DGKQ: variants seen among roughly 807,000 people sequenced by gnomAD.
DGKQ encodes diacylglycerol kinase theta.
DGKQ carries 97 observed loss-of-function variants against 104.2 expected under a neutral mutation model. The observed-to-expected ratio is 0.93, with a 90% CI of 0.79 to 1.10. The LOEUF (loss-of-function observed/expected upper bound fraction) is 1.10, where lower values mean the gene tolerates loss of function less well. Among genes scored for constraint, DGKQ ranks in the 50% least tolerant of loss-of-function variants. The probability of loss-of-function intolerance (pLI) is 0.00; values close to 1 mark genes in which losing one functional copy is unlikely to be tolerated. For missense variants in DGKQ, 1,465 were observed against 1,352.1 expected, an observed-to-expected ratio of 1.08 and a Z score of -1.31; for synonymous variants, 736 against 595.2, an observed-to-expected ratio of 1.24 and a Z score of -3.44.
Position 963,265 on chromosome 4 carries a change from C to G in DGKQ, c.1760G>C (p.Cys587Ser), listed in dbSNP as rs752045358. Residue 587 changes from cysteine to serine, a missense_variant, in exon 16 of 23, where the codon TGT becomes TCT. Coordinates refer to ENST00000273814, the MANE Select transcript of DGKQ (RefSeq NM_001347.4). ...GGGGTTCACGAACACAAGGAGGGGA[C>G]AGCTGTCTGGGGGCAGCTTCGCGTG... is the stretch of plus-strand genomic sequence containing the variant. ...LLHAKLPPDS[C>S]PLLVFVNPKS... 6.2e-6 allele frequency: 10 copies of G among 1,607,054 alleles called. No individual in the cohort carries two copies. The African/African-American group carries it at 8.0e-5, about 13-fold the overall frequency.
Position 967,573 on chromosome 4 carries a change from G to T in DGKQ, c.963C>A (p.Arg321=), listed in dbSNP as rs747704693. ...CCAGCACCTCCTCGGCACCGGCCAG[G>T]CGGGACACCGTGACGAGGCGGAACT... ...RSQFRLVTVS[R]LAGAEEVLEA... is the part of the protein sequence containing the mutation. Residue 321 remains arginine (R), a synonymous_variant, in exon 8 of 23, where the codon CGC becomes CGA. Coordinates refer to ENST00000273814, the MANE Select transcript of DGKQ (RefSeq NM_001347.4). The T allele has an allele frequency of 6.2e-7, 1 of 1,612,622 alleles. No homozygotes were observed. The highest frequency in any genetic ancestry group is 8.5e-7 in the Non-Finnish European group (1 of 1,179,850).
intron 11 of DGKQ, 29 bp from the exon 12 acceptor site, chr4:966,556 C>A (rs1274137786): frequency 1.7e-5 from 27 of 1,603,488 alleles, no homozygotes; most frequent in Non-Finnish European, 2.3e-5. Context: ...AGGCCGTCAG[C>A]ACCCGGCTCC....
Position 965,394 on chromosome 4 carries a change from G to A in DGKQ, c.1618+97C>T, listed in dbSNP as rs951904450. On this transcript the variant is annotated intron_variant, in intron 14 of 22. Coordinates refer to ENST00000273814, the MANE Select transcript of DGKQ (RefSeq NM_001347.4). ...GTTTCCCCAGCCCAGGGCTGCCCAAGGGAAAGGTCAGGTGCTACGTGAGGG... is the reference window on the plus strand; with the variant it reads ...GTTTCCCCAGCCCAGGGCTGCCCAAAGGAAAGGTCAGGTGCTACGTGAGGG... 5.8e-6 allele frequency: 9 copies of A among 1,551,216 alleles called. No homozygotes were observed. In the Admixed American group the frequency reaches 7.3e-5, roughly 13 times the overall value.
chr4:961,605 G>A (rs765913878), intron 20 of DGKQ, 27 bp from the exon 21 acceptor site: 4 of 1,610,098 alleles, frequency 2.5e-6, no homozygotes, highest in African/African-American at 1.3e-5. Flanking sequence ...CGGGCACAGA[G>A]GTGTAGGTGC....
In DGKQ at chr4:965,928, C is replaced by G; in HGVS notation, c.1579G>C (p.Ala527Pro). The change falls in exon 13 of 23, where the codon GCC becomes CCC. Residue 527 changes from alanine (A) to proline (P), a missense_variant and splice_region_variant. By Grantham distance (27) the Ala-to-Pro change is conservative. Transcript: ENST00000273814. ...SLLHEAGATK[A>P]TVVSVSHIYS... The stretch of plus-strand genomic sequence containing the variant: ...CCACGGCCAGCCACAGTGGTCACAC[C>G]TTTGGTAGCCCCGGCCTCATGCAGC... 1 of 1,597,706 alleles carries G rather than the reference C, an allele frequency of 6.3e-7. No individual in the cohort carries two copies. Among genetic ancestry groups the G allele is most frequent in the East Asian group, 2.3e-5 (1 of 44,410 alleles).
Position 965,245 on chromosome 4 carries a change from C to T in DGKQ, c.1665G>A (p.Leu555=), listed in dbSNP as rs1284114706. ...DVACFAEAER[L]YMLLKDMAVR... is the part of the protein sequence containing the mutation. ...CAGCCATGTCCTTCAGCAGCATGTACAGCCGCTCGGCCTCCGCAAAGCAGG... is the reference window on the plus strand; with the variant it reads ...CAGCCATGTCCTTCAGCAGCATGTATAGCCGCTCGGCCTCCGCAAAGCAGG... Residue 555 remains leucine, a synonymous_variant, in exon 15 of 23, where the codon CTG becomes CTA. Transcript: ENST00000273814. The T allele has an allele frequency of 1.2e-6, 2 of 1,612,728 alleles. No individual in the cohort carries two copies. Among genetic ancestry groups the T allele is most frequent in the East Asian group, 4.5e-5 (2 of 44,868 alleles).
intron 20 of DGKQ, 36 bp downstream of exon 20, chr4:961,652 C>A: frequency 1.2e-6 from 2 of 1,611,442 alleles, no homozygotes; most frequent in Non-Finnish European, 1.7e-6. Context: ...ATGGCCCCGC[C>A]GGGCAGAGCC....
intron 1 of DGKQ, among the ~76,000 whole-genome samples, chr4:972,448 G>C (rs1713001985): frequency 6.6e-6 from 1 of 152,202 alleles, no homozygotes; most frequent in Non-Finnish European, 1.5e-5. Flanking sequence ...CCTATCCCCA[G>C]AGAAAGGCCT....
At position 961,197 on chromosome 4, in the gene DGKQ, T is replaced by C; in HGVS notation, c.2579A>G (p.Gln860Arg). 6.4e-7 allele frequency: 1 copy of C among 1,559,018 alleles called. No homozygotes were observed. The highest frequency in any genetic ancestry group is 8.7e-7 in the Non-Finnish European group (1 of 1,153,778). ...VGVTGVVHMG[Q>R]VQGGLRSGIR... is the part of the protein sequence containing the mutation. The stretch of plus-strand genomic sequence containing the variant: ...TCCGGAGCGCAGCCCACCCTGGACC[T>C]GGCCCTGGGGCGGGAGAGGCCAGCC... Residue 860 changes from glutamine (Q) to arginine (R), a missense_variant, in exon 22 of 23, where the codon CAG becomes CGG. Transcript: ENST00000273814.
In DGKQ at chr4:967,742, G is replaced by A; in HGVS notation, c.872C>T (p.Ala291Val). The change falls in exon 7 of 23, where the codon GCA becomes GTA. Residue 291 changes from alanine (A) to valine (V), a missense_variant. Ala to Val is a moderately conservative substitution (Grantham distance 64). Transcript: ENST00000273814. ...CGGGCACTTACCGGACTCCGGAGTT[G>A]CCTGTGTCTCTCTGCCTGGACCCAC... ...AAVGPGRETQ[A>V]TPESGKQTLK... 6.2e-7 allele frequency: 1 copy of A among 1,610,942 alleles called. No individual in the cohort carries two copies.
In DGKQ at chr4:961,598, GCA is replaced by G. The variant is rs1320585834; in HGVS notation, c.2463-22_2463-21del. The stretch of plus-strand genomic sequence containing the variant: ...CCCCAGCTGCCGCATAAGAGAGCGG[GCA>G]CAGAGGTGTAGGTGCAGGCAGGACG... On this transcript the variant is annotated intron_variant, in intron 20 of 22. Transcript: ENST00000273814. 1.9e-6 allele frequency: 3 copies of G among 1,609,546 alleles called. No individual in the cohort carries two copies. Among genetic ancestry groups the G allele is most frequent in the South Asian group, 1.1e-5 (1 of 90,830 alleles).
intron 17 of DGKQ, 44 bp from the exon 18 acceptor site, chr4:962,657 C>T: frequency 6.3e-7 from 1 of 1,593,840 alleles, no homozygotes; most frequent in East Asian, 2.2e-5. Context: ...CACCCACCCG[C>T]CCATCAGCTG....
chr4:967,087 C>G (rs757312824), intron 9 of DGKQ, 33 bp from the exon 10 acceptor site: 2 of 1,544,082 alleles, frequency 1.3e-6, no homozygotes, highest in African/African-American at 1.4e-5. Flanking sequence ...GGAGCTCCCC[C>G]CACCCCGCCC....
At chr4:973,065 G>A in intron 1 of DGKQ, 147 bp downstream of exon 1, 1 of 1,264,458 alleles carries the variant, frequency 7.9e-7, no homozygotes, top group Non-Finnish European at 1.0e-6. Flanking sequence ...ACAGGCCCCG[G>A]CCGCCCCACG....
intron 5 of DGKQ, 45 bp downstream of exon 5, chr4:968,234 CGCA>C: frequency 2.1e-6 from 2 of 953,134 alleles, no homozygotes; most frequent in Non-Finnish European, 3.0e-6. Context: ...CACCCAACCC[CGCA>C]CCTCTCCTGC....
chr4:962,921 C>G lies in DGKQ; in HGVS notation c.1887-1G>C. On this transcript the variant is annotated splice_acceptor_variant, in intron 16 of 22. Transcript: ENST00000273814. LOFTEE classifies it high-confidence loss of function. The stretch of plus-strand genomic sequence containing the variant: ...GGGCACCTGGGAGAACAGGTGGAGC[C>G]TAGCGGGAGACAGGAAGTGTCCTCT... 6.2e-7 allele frequency: 1 copy of G among 1,606,632 alleles called. No individual in the cohort carries two copies. Among genetic ancestry groups the G allele is most frequent in the Non-Finnish European group, 8.5e-7 (1 of 1,177,328 alleles).
rs374968373 is a variant in DGKQ at position 962,880 on chromosome 4, C to T, written c.1927G>A (p.Val643Met). 2.5e-6 allele frequency: 4 copies of T among 1,609,558 alleles called. No homozygotes were observed. Among genetic ancestry groups the T allele is most frequent in the African/African-American group, 1.3e-5 (1 of 75,000 alleles). ...FSQVPCFRVLVCGGDGTVGWV... is the reference protein window; with the variant it reads ...FSQVPCFRVLMCGGDGTVGWV... The stretch of plus-strand genomic sequence containing the variant: ...CCCACAGTGCCATCGCCACCACACA[C>T]CAGCACCCGGAAGCAGGGCACCTGG... Residue 643 changes from valine (V) to methionine (M), a missense_variant, in exon 17 of 23, where the codon GTG becomes ATG. Val to Met is a conservative substitution (Grantham distance 21). Coordinates refer to ENST00000273814, the MANE Select transcript of DGKQ (RefSeq NM_001347.4).
At chr4:967,672 G>A (rs752146003) in intron 7 of DGKQ, 23 bp from the exon 8 acceptor site, 1 of 1,612,472 alleles carries the variant, frequency 6.2e-7, no homozygotes, top group Admixed American at 1.7e-5. Context: ...AGCTCCGTGA[G>A]TCCCGGGCGC....
In DGKQ at chr4:970,983, C is replaced by A; in HGVS notation, c.351+10G>T. On this transcript the variant is annotated intron_variant, in intron 2 of 22. Coordinates refer to ENST00000273814, the MANE Select transcript of DGKQ (RefSeq NM_001347.4). ...CCTCTTGCAGGTGCAACACCCAGCC[C>A]CACACTCACCCGGACCAGGCTGGGT... 1 of 1,548,300 alleles carries A rather than the reference C, an allele frequency of 6.5e-7. No homozygotes were observed.
Sources: allele counts gnomAD v4.1 joint callset (sites outside exome capture counted in the v4.1 genomes callset), GRCh38; gene constraint gnomAD v4.1.1; transcripts MANE v1.5; gene names NCBI Gene and HGNC (gene_info 2026-07-23, HGNC 2026-07-21).